Variants in GPRIN3 observed in about 807,000 individuals in gnomAD.
The protein encoded by GPRIN3 is G protein-regulated inducer of neurite outgrowth 3.
GPRIN3 carries 12 observed loss-of-function variants against 13.7 expected under a neutral mutation model. That is an observed-to-expected ratio of 0.87 (90% CI 0.56 to 1.42). The LOEUF (loss-of-function observed/expected upper bound fraction) is 1.42. Ranked by LOEUF, GPRIN3 falls within the 40% of genes most tolerant of loss-of-function variation. The probability of loss-of-function intolerance (pLI) is 0.00; values close to 1 mark genes in which losing one functional copy is unlikely to be tolerated. For missense variants in GPRIN3, 1,009 were observed against 958.7 expected, an observed-to-expected ratio of 1.05 and a Z score of -0.69; for synonymous variants, 377 against 372.7, an observed-to-expected ratio of 1.01 and a Z score of -0.13.
chr4:89,261,112 G>A (rs575761710), intron 1 of GPRIN3, among the ~76,000 whole-genome samples: 15 of 152,174 alleles, frequency 9.9e-5, no homozygotes, highest in African/African-American at 3.4e-4. Context: ...TTTGTAAGAC[G>A]TATTTAATAT....
At chr4:89,303,422 A>G (rs1159264414) in intron 1 of GPRIN3, among the ~76,000 whole-genome samples, 1 of 152,238 alleles carries the variant, frequency 6.6e-6, no homozygotes, top group Non-Finnish European at 1.5e-5. Flanking sequence ...CAACTGAACA[A>G]GGCCTAACCA....
Position 89,250,080 on chromosome 4 carries a change from C to T in GPRIN3, c.31G>A (p.Ala11Thr). ...GAAGCTGCAATCAGGGAAGTTTTAG[C>T]TGATCTCAGAGGGTCAGGTACAGTC... MGTVPDPLRS[A>T]KTSLIAASGK... The change falls in exon 2 of 2, where the codon GCT (alanine) becomes ACT (threonine). Residue 11 changes from alanine (A) to threonine (T), a missense_variant. Coordinates refer to ENST00000609438, the MANE Select transcript of GPRIN3 (RefSeq NM_198281.3). 1.2e-6 allele frequency: 2 copies of T among 1,613,994 alleles called. No individual in the cohort carries two copies. The highest frequency in any genetic ancestry group is 1.7e-6 in the Non-Finnish European group (2 of 1,179,948).
intron 1 of GPRIN3, among the ~76,000 whole-genome samples, chr4:89,266,118 T>G (rs567558191): frequency 6.6e-6 from 1 of 152,296 alleles, no homozygotes; most frequent in South Asian, 2.1e-4. Context: ...ATTAAGAACA[T>G]CACAAATATC....
chr4:89,300,014 A>G (rs1354472150), intron 1 of GPRIN3, among the ~76,000 whole-genome samples: 2 of 152,204 alleles, frequency 1.3e-5, no homozygotes, highest in Admixed American at 1.3e-4. Context: ...GCAAGCAAGT[A>G]CACAGATGAA....
chr4:89,296,469 T>A (rs190113988), intron 1 of GPRIN3, among the ~76,000 whole-genome samples: 38 of 152,350 alleles, frequency 2.5e-4, no homozygotes, highest in Non-Finnish European at 1.5e-5. Context: ...TTTTTTTTCT[T>A]AGTATTCCAT....
At chr4:89,251,297 A>G (rs1723318439) in intron 1 of GPRIN3, 1 of 152,116 alleles carries the variant, frequency 6.6e-6, no homozygotes, top group Non-Finnish European at 1.5e-5. Flanking sequence ...CAAAATCTTA[A>G]AAAAAATAGA....
chr4:89,275,317 G>A (rs893681018), intron 1 of GPRIN3, among the ~76,000 whole-genome samples: 8 of 152,044 alleles, frequency 5.3e-5, no homozygotes, highest in Admixed American at 2.6e-4. Flanking sequence ...CAAAAGCTGC[G>A]TATCTAATTT....
rs913885291 is a variant in GPRIN3 at position 89,241,417 on chromosome 4, T to G, written c.*6363A>C. ...AACTGATCACTCAGACTGTACACAC[T>G]CACAGAATGTATTGACATACCACGA... is the stretch of plus-strand genomic sequence containing the variant. On this transcript the variant is annotated 3_prime_UTR_variant, in exon 2 of 2. Coordinates refer to ENST00000609438, the MANE Select transcript of GPRIN3 (RefSeq NM_198281.3). 8 of 152,304 alleles carry G rather than the reference T, an allele frequency of 5.3e-5. 1 individual carries two copies. The highest frequency in any genetic ancestry group is 6.8e-3 in the Middle Eastern group (2 of 294). The allele number at this position is 152,304 out of a possible 1,614,324, so 9.4% of individuals were successfully genotyped here.
At chr4:89,255,454 G>T (rs1422656237) in intron 1 of GPRIN3, among the ~76,000 whole-genome samples, 3 of 152,184 alleles carry the variant, frequency 2.0e-5, no homozygotes, top group Non-Finnish European at 2.9e-5. Flanking sequence ...ATGGTAAGAA[G>T]ACTTTATTCA....
intron 1 of GPRIN3, among the ~76,000 whole-genome samples, chr4:89,277,917 G>T (rs1724137312): frequency 6.6e-6 from 1 of 152,164 alleles, no homozygotes; most frequent in Non-Finnish European, 1.5e-5. Context: ...ATCTTGGGTA[G>T]TTCCTGCTCC....
rs1368225675 is a variant in GPRIN3 at position 89,242,264 on chromosome 4, T to G, written c.*5516A>C. 6.6e-6 allele frequency: 1 copy of G among 152,236 alleles called. No homozygotes were observed. The highest frequency in any genetic ancestry group is 1.9e-4 in the East Asian group (1 of 5,206). 9.4% of individuals were successfully genotyped at this position (152,236 alleles called of 1,614,324 possible). ...AGCATCGTTTTCTGTAAGGCATCAT[T>G]TGAAGCCTCTTTGGATACAAGATCT... On this transcript the variant is annotated 3_prime_UTR_variant, in exon 2 of 2. Transcript: ENST00000609438.
chr4:89,248,137 G>A lies in GPRIN3; in HGVS notation c.1974C>T (p.Leu658=). The part of the protein sequence containing the change: ...NVTAAAAQVG[L]TPGDKKKQLG... ...GCTGCTTTTTCTTATCTCCTGGAGT[G>A]AGTCCTACCTGAGCAGCAGCTGCTG... is the stretch of plus-strand genomic sequence containing the variant. Residue 658 remains leucine (L), a synonymous_variant, in exon 2 of 2, where the codon CTC becomes CTT. Transcript: ENST00000609438. 1 of 1,614,142 alleles carries A rather than the reference G, an allele frequency of 6.2e-7. No individual in the cohort carries two copies. Among genetic ancestry groups the A allele is most frequent in the Non-Finnish European group, 8.5e-7 (1 of 1,180,020 alleles).
At chr4:89,270,565 T>TTA (rs1199230242) in intron 1 of GPRIN3, among the ~76,000 whole-genome samples, 6,247 of 81,936 alleles carry the variant, frequency 0.076, 209 homozygotes, top group South Asian at 0.1. Context: ...TGTATATAAT[T>TTA]TATATATATA....
At position 89,249,935 on chromosome 4, in the gene GPRIN3, C is replaced by G; in HGVS notation, c.176G>C (p.Arg59Thr). Residue 59 changes from arginine to threonine, a missense_variant, in exon 2 of 2, where the codon AGG becomes ACG. Coordinates refer to ENST00000609438, the MANE Select transcript of GPRIN3 (RefSeq NM_198281.3). ...GAPAEPDLSP[R>T]AAAEALMQVC... ...CTGCATCAGGGCTTCGGCAGCTGCC[C>G]TGGGGCTGAGGTCTGGTTCTGCAGG... 1 of 1,614,176 alleles carries G rather than the reference C, an allele frequency of 6.2e-7. No homozygotes were observed. Among genetic ancestry groups the G allele is most frequent in the South Asian group, 1.1e-5 (1 of 91,080 alleles).
intron 1 of GPRIN3, among the ~76,000 whole-genome samples, chr4:89,254,278 A>G (rs1723410761): frequency 6.6e-6 from 1 of 151,176 alleles, no homozygotes. Context: ...GGTTTGTTAC[A>G]TGGGTAAACT....
intron 1 of GPRIN3, among the ~76,000 whole-genome samples, chr4:89,293,849 T>G (rs1441028116): frequency 1.3e-5 from 2 of 152,198 alleles, no homozygotes; most frequent in Non-Finnish European, 2.9e-5. Flanking sequence ...ACCATAGTGG[T>G]TCTGCTTTTC....
chr4:89,248,831 G>T lies in GPRIN3; in HGVS notation c.1280C>A (p.Ser427Tyr). ...VLKTSSINLV[S>Y]SNAQHTCKED... ...TTTACACGTATGCTGGGCATTACTG[G>T]AGACCAAATTGATTGATGAGGTTTT... The change falls in exon 2 of 2, where the codon TCC becomes TAC. Residue 427 changes from serine to tyrosine, a missense_variant. Ser to Tyr is a moderately radical substitution (Grantham distance 144, BLOSUM62 -2). Coordinates refer to ENST00000609438, the MANE Select transcript of GPRIN3 (RefSeq NM_198281.3). The T allele has an allele frequency of 1.2e-6, 2 of 1,614,150 alleles. No homozygotes were observed. Among genetic ancestry groups the T allele is most frequent in the South Asian group, 1.1e-5 (1 of 91,076 alleles).
rs890381133 is a variant in GPRIN3 at position 89,242,158 on chromosome 4, C to G, written c.*5622G>C. The G allele has an allele frequency of 1.3e-5, 2 of 152,138 alleles. No homozygotes were observed. The highest frequency in any genetic ancestry group is 4.8e-5 in the African/African-American group (2 of 41,422). The allele number at this position is 152,138 out of a possible 1,614,324, so 9.4% of individuals were successfully genotyped here. A position where few individuals can be genotyped will look rare whatever the true frequency, so the allele number is the denominator to read the frequency against. ...GTAAAATATGTGATTTTTATTCCTACTATTTTGCAGCCAATTAATTTTGAG... is the reference window on the plus strand; with the variant it reads ...GTAAAATATGTGATTTTTATTCCTAGTATTTTGCAGCCAATTAATTTTGAG... On this transcript the variant is annotated 3_prime_UTR_variant, in exon 2 of 2. Coordinates refer to ENST00000609438, the MANE Select transcript of GPRIN3 (RefSeq NM_198281.3).
intron 1 of GPRIN3, among the ~76,000 whole-genome samples, chr4:89,252,279 C>A (rs911238720): frequency 6.6e-6 from 1 of 152,090 alleles, no homozygotes; most frequent in African/African-American, 2.4e-5. Context: ...GGCCTATAAG[C>A]ATTTTTTTAG....
Sources: allele counts gnomAD v4.1 joint callset (sites outside exome capture counted in the v4.1 genomes callset), GRCh38; gene constraint gnomAD v4.1.1; transcripts MANE v1.5; gene names NCBI Gene and HGNC (gene_info 2026-07-23, HGNC 2026-07-21).